The following BEND3 variants were observed in gnomAD, a reference collection of about 807,000 sequenced individuals.
BEND3 encodes BEN domain-containing protein 3.
Under a neutral mutation model 60.1 loss-of-function variants are expected in BEND3, and 13 were observed. That is an observed-to-expected ratio of 0.22 (90% CI 0.14 to 0.34). The LOEUF is 0.34. Ranked by LOEUF, BEND3 falls within the 10% of genes least tolerant of loss-of-function variation. The pLI, the probability that BEND3 is intolerant of heterozygous loss-of-function variation, is 1.00. For missense variants in BEND3, 896 were observed against 1,138.1 expected, an observed-to-expected ratio of 0.79 and a Z score of 3.06; for synonymous variants, 497 against 491.5, an observed-to-expected ratio of 1.01 and a Z score of -0.15.
intron 1 of BEND3, among the ~76,000 whole-genome samples, chr6:107,099,825 A>G (rs558147346): frequency 6.6e-6 from 1 of 152,182 alleles, no homozygotes; most frequent in East Asian, 1.9e-4. Flanking sequence ...TAAAATACAC[A>G]CCAAATCTCA....
At chr6:107,103,979 GAAA>G (rs1775759064) in intron 1 of BEND3, among the ~76,000 whole-genome samples, 1 of 145,030 alleles carries the variant, frequency 6.9e-6, no homozygotes, top group Non-Finnish European at 1.5e-5. Context: ...AAGAAAGAAA[GAAA>G]GAAAGAAAAA....
intron 3 of BEND3, 131 bp downstream of exon 3, chr6:107,098,420 T>C (rs1371840843): frequency 2.3e-6 from 2 of 863,750 alleles, no homozygotes; most frequent in Middle Eastern, 3.5e-4. Context: ...AGAGATGGGA[T>C]AGCTTAAATG....
intron 3 of BEND3, among the ~76,000 whole-genome samples, chr6:107,073,261 A>ATATG (rs869035072): frequency 7.8e-5 from 2 of 25,490 alleles, no homozygotes; most frequent in Non-Finnish European, 2.2e-4. Flanking sequence ...ATATATATAT[A>ATATG]TATGTATGTG....
rs538435664 is a variant in BEND3, at chr6:107,065,679, G to C, written c.*3025C>G. The C allele has an allele frequency of 3.3e-5, 5 of 152,292 alleles. No individual in the cohort carries two copies. In the South Asian group the frequency reaches 1.0e-3, roughly 32 times the overall value. 9.4% of individuals were successfully genotyped at this position (152,292 alleles called of 1,614,324 possible). A position where few individuals can be genotyped will look rare whatever the true frequency, so the allele number is the denominator to read the frequency against. ...GAGGCCATCTCTAAATGAACCCAGT[G>C]GTCATGCTGTGGTGTGGTCAGACCA... On this transcript the variant is annotated 3_prime_UTR_variant, in exon 4 of 4. Coordinates refer to ENST00000369042, the MANE Select transcript of BEND3 (RefSeq NM_001367314.1).
intron 1 of BEND3, chr6:107,105,974 G>C (rs781807947): frequency 1.5e-4 from 23 of 152,242 alleles, no homozygotes; most frequent in Non-Finnish European, 2.1e-4. Flanking sequence ...TGGTGGCTGT[G>C]TGGCCCCTGC....
intron 3 of BEND3, among the ~76,000 whole-genome samples, chr6:107,094,621 C>CTAA (rs1161934323): frequency 7.2e-6 from 1 of 139,722 alleles, no homozygotes; most frequent in Non-Finnish European, 1.5e-5. Context: ...AACTCCATCT[C>CTAA]ATAAATAAAT....
At chr6:107,102,070 A>T (rs1775712305) in intron 1 of BEND3, among the ~76,000 whole-genome samples, 1 of 152,206 alleles carries the variant, frequency 6.6e-6, no homozygotes, top group South Asian at 2.1e-4. Flanking sequence ...AGAGTCAAAG[A>T]TTCTGGTAAG....
At chr6:107,075,216 A>G (rs1385131426) in intron 3 of BEND3, among the ~76,000 whole-genome samples, 3 of 150,632 alleles carry the variant, frequency 2.0e-5, no homozygotes, top group African/African-American at 7.3e-5. Flanking sequence ...ACAGAGTGAG[A>G]CTGTGTCTCA....
rs528903550 is a variant in BEND3 at position 107,115,147 on chromosome 6, T to TG, written c.-70dup. The TG allele has an allele frequency of 1.5e-3, 220 of 146,312 alleles. 4 individuals are homozygous for TG. In the East Asian group the frequency reaches 0.038, roughly 25 times the overall value. The allele number at this position is 146,312 out of a possible 1,614,324, so 9.1% of individuals were successfully genotyped here. A position where few individuals can be genotyped will look rare whatever the true frequency, so the allele number is the denominator to read the frequency against. On this transcript the variant is annotated 5_prime_UTR_variant, in exon 1 of 4. Coordinates refer to ENST00000369042, the MANE Select transcript of BEND3 (RefSeq NM_001367314.1). Reference sequence around the variant, plus strand: ...GCCCGCGCCGAGTTTGGGCGCCACGTGGGGGGGAGGGCGCGGGGCCGGGGA... The same window carrying TG: ...GCCCGCGCCGAGTTTGGGCGCCACGTGGGGGGGGAGGGCGCGGGGCCGGGGA...
chr6:107,067,203 C>T lies in BEND3; in HGVS notation c.*1501G>A, dbSNP rs1774851069. ...AGAAAATCCAGATTGTTTCTGTTAT[C>T]TCTGCATTTTAAAGTAGCAAAATAT... On this transcript the variant is annotated 3_prime_UTR_variant, in exon 4 of 4. Transcript: ENST00000369042. The T allele has an allele frequency of 6.6e-6, 1 of 152,174 alleles. No homozygotes were observed. Among genetic ancestry groups the T allele is most frequent in the African/African-American group, 2.4e-5 (1 of 41,438 alleles). The allele number at this position is 152,174 out of a possible 1,614,324, so 9.4% of individuals were successfully genotyped here.
chr6:107,098,462 G>A (rs1775633469), intron 3 of BEND3, 89 bp downstream of exon 3: 1 of 1,387,178 alleles, frequency 7.2e-7, no homozygotes, highest in Non-Finnish European at 9.9e-7. Flanking sequence ...TTCAGCAGTT[G>A]CCAGGATGCC....
Position 107,097,224 on chromosome 6 carries a change from G to A in BEND3, c.240+1327C>T, listed in dbSNP as rs1252293699. Among the ~76,000 whole-genome samples, 7 of 151,574 alleles carry A rather than the reference G, an allele frequency of 4.6e-5. No individual in the cohort carries two copies. In the South Asian group the frequency reaches 6.3e-4, roughly 14 times the overall value. On this transcript the variant is annotated intron_variant, in intron 3 of 3. Transcript: ENST00000369042. Reference sequence around the variant, plus strand: ...TCTACTAAAAATACAAAAATTAGCCGGGCGTGGTGGCACACGCTTATAATC... The same window carrying A: ...TCTACTAAAAATACAAAAATTAGCCAGGCGTGGTGGCACACGCTTATAATC...
At chr6:107,104,797 C>T (rs904889399) in intron 1 of BEND3, among the ~76,000 whole-genome samples, 1 of 151,756 alleles carries the variant, frequency 6.6e-6, no homozygotes, top group Non-Finnish European at 1.5e-5. Flanking sequence ...GCCTCCCAAG[C>T]AGCTGGGACC....
intron 1 of BEND3, among the ~76,000 whole-genome samples, chr6:107,105,729 C>A (rs191411329): frequency 6.6e-6 from 1 of 152,224 alleles, no homozygotes; most frequent in Non-Finnish European, 1.5e-5. Context: ...TTCCAGCCAG[C>A]TGACTCCGGA....
intron 1 of BEND3, among the ~76,000 whole-genome samples, chr6:107,108,845 G>A (rs1775878376): frequency 6.6e-6 from 1 of 152,128 alleles, no homozygotes; most frequent in African/African-American, 2.4e-5. Flanking sequence ...TCGCTCTGTT[G>A]CCCAGGATGG....
intron 1 of BEND3, among the ~76,000 whole-genome samples, chr6:107,106,394 G>A (rs1200970705): frequency 6.6e-6 from 1 of 152,128 alleles, no homozygotes; most frequent in Non-Finnish European, 1.5e-5. Context: ...AAGGAAGCTG[G>A]GACTGAGGAA....
intron 3 of BEND3, among the ~76,000 whole-genome samples, chr6:107,082,873 T>C (rs978738782): frequency 2.0e-5 from 3 of 152,228 alleles, no homozygotes; most frequent in African/African-American, 7.2e-5. Flanking sequence ...TTTGCAGAAC[T>C]GATCACAAAC....
intron 1 of BEND3, among the ~76,000 whole-genome samples, chr6:107,113,089 C>T (rs539578035): frequency 1.3e-5 from 2 of 151,334 alleles, no homozygotes; most frequent in South Asian, 2.1e-4. Context: ...ACCTGGGAGG[C>T]GGAAGTTGCA....
chr6:107,111,559 C>T (rs1213760297), intron 1 of BEND3, among the ~76,000 whole-genome samples: 3 of 152,016 alleles, frequency 2.0e-5, no homozygotes, highest in Non-Finnish European at 4.4e-5. Flanking sequence ...TATAAACACC[C>T]CTAAAAAGAT....
Sources: gnomAD v4.1 joint callset for allele counts (sites outside exome capture counted in the v4.1 genomes callset) on GRCh38, gnomAD v4.1.1 for gene constraint, MANE v1.5 for transcripts, NCBI Gene and HGNC (gene_info 2026-07-23, HGNC 2026-07-21) for gene names.